Variants in PEX6 observed in about 807,000 individuals in gnomAD.
The protein encoded by PEX6 is peroxisome biogenesis factor 6.
A neutral mutation model predicts 85.6 loss-of-function variants in PEX6; 55 were observed. That is an observed-to-expected ratio of 0.64 (90% CI 0.52 to 0.80). The LOEUF is 0.80. PEX6 is among the 30% of genes least tolerant of loss of function. The probability of loss-of-function intolerance (pLI) is 0.00; values close to 1 mark genes in which losing one functional copy is unlikely to be tolerated. For synonymous variants in PEX6, 519 were observed against 549.1 expected, an observed-to-expected ratio of 0.95 and a Z score of 0.77; for missense variants, 1,099 against 1,260.3, an observed-to-expected ratio of 0.87 and a Z score of 1.94.
intron 3 of PEX6, among the ~76,000 whole-genome samples, chr6:42,973,052 C>T (rs545331330): frequency 5.5e-4 from 83 of 152,220 alleles, no homozygotes; most frequent in African/African-American, 1.6e-3. Flanking sequence ...TGCTGTGTCA[C>T]CCAGGCTGGA....
chr6:42,964,373 G>A lies in PEX6; in HGVS notation c.2905C>T (p.Arg969Trp), dbSNP rs377694181. 3.2e-5 allele frequency: 52 copies of A among 1,613,744 alleles called. No individual in the cohort carries two copies. The highest frequency in any genetic ancestry group is 4.3e-5 in the Non-Finnish European group (51 of 1,180,018). ...QPSVSEQELLRYKRIQRKFAA... is the reference protein window; with the variant it reads ...QPSVSEQELLWYKRIQRKFAA... ...AACTTGCGCTGGATGCGCTTGTACC[G>A]GAGCAGCTCCTGCTCACTGACTGAG... The change falls in exon 17 of 17, where the codon CGG becomes TGG. Residue 969 changes from arginine (R) to tryptophan (W), a missense_variant. Coordinates refer to ENST00000304611, the MANE Select transcript of PEX6 (RefSeq NM_000287.4). The surrounding 1 kb of genome is among the most constrained non-coding windows in gnomAD (Gnocchi z 4.6).
At chr6:42,969,274 T>C (rs961437839) in intron 5 of PEX6, among the ~76,000 whole-genome samples, 2 of 151,966 alleles carry the variant, frequency 1.3e-5, no homozygotes, top group African/African-American at 4.8e-5. Context: ...CTGAATGGTA[T>C]TGAGAGACAT....
At chr6:42,976,026 C>T (rs574317151) in intron 1 of PEX6, among the ~76,000 whole-genome samples, 71 of 151,824 alleles carry the variant, frequency 4.7e-4, no homozygotes, top group Non-Finnish European at 8.1e-4. Context: ...GTAGCTGGGA[C>T]GACAGGCATG....
rs762858933 is a variant in PEX6, at chr6:42,964,409, G to A, written c.2869C>T (p.Arg957Trp). The A allele has an allele frequency of 2.5e-5, 41 of 1,613,788 alleles. No homozygotes were observed. Among genetic ancestry groups the A allele is most frequent in the African/African-American group, 1.3e-4 (10 of 75,066 alleles). ...TGCTCACTGACTGAGGGTTGCAGCC[G>A]GGCGGCAGCCTGCAGCAAGTCCTCC... ...TMEDLLQAAA[R>W]LQPSVSEQEL... is the part of the protein sequence containing the mutation. Residue 957 changes from arginine to tryptophan, a missense_variant, in exon 17 of 17, where the codon CGG (arginine) becomes TGG (tryptophan). Arg to Trp is a moderately radical substitution (Grantham distance 101, BLOSUM62 -3). This residue lies in a region of PEX6 where 514 missense variants were observed against 627.0 expected (regional missense o/e 0.82). Transcript: ENST00000304611. This position sits in a 1 kb window ranked among gnomAD's most constrained non-coding sequence, Gnocchi z 4.6.
Position 42,979,146 on chromosome 6 carries a change from G to A in PEX6, c.5C>T (p.Ala2Val). The change falls in exon 1 of 17, where the codon GCG becomes GTG. Residue 2 changes from alanine to valine, a missense_variant. Around this residue, in one of 3 missense-constraint regions of PEX6, gnomAD observed 579 missense variants for 611.6 expected, o/e 0.95. Transcript: ENST00000304611. M[A>V]LAVLRVLEPF... Reference sequence around the variant, plus strand: ...CTCCAGGACCCGCAAGACAGCCAGCGCCATGGTGACAGGACACCAACGAGG... The same window carrying A: ...CTCCAGGACCCGCAAGACAGCCAGCACCATGGTGACAGGACACCAACGAGG... 1 of 1,578,262 alleles carries A rather than the reference G, an allele frequency of 6.3e-7. No homozygotes were observed. Among genetic ancestry groups the A allele is most frequent in the Middle Eastern group, 2.2e-4 (1 of 4,510 alleles).
rs780344356 is a variant in PEX6 at position 42,964,815 on chromosome 6, T to C, written c.2781A>G (p.Lys927=). The C allele has an allele frequency of 6.2e-7, 1 of 1,613,898 alleles. No homozygotes were observed. The highest frequency in any genetic ancestry group is 1.7e-5 in the Admixed American group (1 of 59,994). The change falls in exon 16 of 17, where the codon AAA becomes AAG. Residue 927 remains lysine, a synonymous_variant. Coordinates refer to ENST00000304611, the MANE Select transcript of PEX6 (RefSeq NM_000287.4). The surrounding 1 kb of genome is among the most constrained non-coding windows in gnomAD (Gnocchi z 4.6). The part of the protein sequence containing the change: ...LCSDAMTAAL[K]RRVHDLEEGL... ...CTTCCTCCAGGTCATGAACCCTGCG[T>C]TTGAGGGCAGCTGTCATAGCATCAG...
Position 42,969,889 on chromosome 6 carries a change from T to TC in PEX6, c.1228_1229insG (p.Tyr410Ter). The TC allele has an allele frequency of 6.2e-7, 1 of 1,614,136 alleles. No homozygotes were observed. Among genetic ancestry groups the TC allele is most frequent in the South Asian group, 1.1e-5 (1 of 91,086 alleles). ...CACCCATCCTTGGGGCCTCACCATGTACAAGGAGGTATGGGTGGTGTCGGC... is the reference window on the plus strand; with the variant it reads ...CACCCATCCTTGGGGCCTCACCATGTCACAAGGAGGTATGGGTGGTGTCGGC... ...YLADTTHTSL[Y>*]MVGSTLSPVP... The change falls in exon 4 of 17, where the codon TAC becomes TGAC. Residue 410 changes from tyrosine (Y) to a stop codon, truncating the protein, a stop_gained and frameshift_variant. Transcript: ENST00000304611. LOFTEE classifies it high-confidence loss of function.
Position 42,978,235 on chromosome 6 carries a change from A to G in PEX6, c.882+34T>C, listed in dbSNP as rs776617686. 2.5e-5 allele frequency: 40 copies of G among 1,610,594 alleles called. No homozygotes were observed. In the African/African-American group the frequency reaches 5.2e-4, roughly 21 times the overall value. ...AGACAGAGAAGAGGGTATAAGAAAGAGGAAGCACTCCTGACCCCAGTCCTT... is the reference window on the plus strand; with the variant it reads ...AGACAGAGAAGAGGGTATAAGAAAGGGGAAGCACTCCTGACCCCAGTCCTT... On this transcript the variant is annotated intron_variant, in intron 1 of 16. Coordinates refer to ENST00000304611, the MANE Select transcript of PEX6 (RefSeq NM_000287.4).
At position 42,965,051 on chromosome 6, in the gene PEX6, C is replaced by T. The variant is rs1384810772; in HGVS notation, c.2666+24G>A. On this transcript the variant is annotated intron_variant, in intron 15 of 16. Coordinates refer to ENST00000304611, the MANE Select transcript of PEX6 (RefSeq NM_000287.4). This position sits in a 1 kb window ranked among gnomAD's most constrained non-coding sequence, Gnocchi z 5.0. ...AGCATCCCAAGGCCCAAGCCCTTCG[C>T]AGTCTTCCTCTAACAGAGCATACTT... is the stretch of plus-strand genomic sequence containing the variant. 2 of 1,613,694 alleles carry T rather than the reference C, an allele frequency of 1.2e-6. No individual in the cohort carries two copies. The highest frequency in any genetic ancestry group is 8.5e-7 in the Non-Finnish European group (1 of 1,179,548).
Position 42,964,543 on chromosome 6 carries a change from G to A in PEX6, c.2807-72C>T. The A allele has an allele frequency of 6.4e-7, 1 of 1,550,606 alleles. No homozygotes were observed. Among genetic ancestry groups the A allele is most frequent in the Admixed American group, 1.7e-5 (1 of 59,736 alleles). On this transcript the variant is annotated intron_variant, in intron 16 of 16. Transcript: ENST00000304611. This position sits in a 1 kb window ranked among gnomAD's most constrained non-coding sequence, Gnocchi z 4.6. The stretch of plus-strand genomic sequence containing the variant: ...GAGAGCCCTGCGAAGGTGGCTTCCT[G>A]CTCAGGGTCTCCTAGATGTCAATGA...
Position 42,967,248 on chromosome 6 carries a change from CG to C in PEX6, c.1884+119del, listed in dbSNP as rs535743124. ...CCTCCCAAAGTGCTAGGATTACAGG[CG>C]TGAGCCACGGCGCCCGCGCTGGGTT... On this transcript the variant is annotated intron_variant, in intron 8 of 16. Transcript: ENST00000304611. 1.4e-4 allele frequency: 133 copies of C among 967,882 alleles called. 1 individual carries two copies. The highest frequency in any genetic ancestry group is 6.1e-4 in the Admixed American group (30 of 49,144). The allele number at this position is 967,882 out of a possible 1,614,324, so 60.0% of individuals were successfully genotyped here.
Position 42,971,662 on chromosome 6 carries a change from C to T in PEX6, c.1131-1675G>A, listed in dbSNP as rs1770058254. The stretch of plus-strand genomic sequence containing the variant: ...GCCCAGTGCAGCTTAAAACGCTCAT[C>T]TGTATCTGTCCTTGGACCCATTGGG... On this transcript the variant is annotated intron_variant, in intron 3 of 16. Transcript: ENST00000304611. This position sits in a 1 kb window ranked among gnomAD's most constrained non-coding sequence, Gnocchi z 4.4. 6.6e-6 allele frequency among the ~76,000 whole-genome samples: 1 copy of T among 152,264 alleles called. No homozygotes were observed. Among genetic ancestry groups the T allele is most frequent in the South Asian group, 2.1e-4 (1 of 4,836 alleles).
intron 3 of PEX6, 49 bp downstream of exon 3, chr6:42,973,954 T>G (rs762156929): frequency 7.2e-6 from 9 of 1,258,530 alleles, no homozygotes; most frequent in Non-Finnish European, 9.3e-6. Context: ...GTAGAACTCA[T>G]GCACCCAGGT....
At position 42,964,280 on chromosome 6, in the gene PEX6, G is replaced by T; in HGVS notation, c.*55C>A. On this transcript the variant is annotated 3_prime_UTR_variant, in exon 17 of 17. Transcript: ENST00000304611. This position sits in a 1 kb window ranked among gnomAD's most constrained non-coding sequence, Gnocchi z 4.6. ...CCCTTCCTTCCCAGATCTCTCTGTG[G>T]GCTATCAAGGTACCTGCAGCCATGC... 6.2e-7 allele frequency: 1 copy of T among 1,605,784 alleles called. No individual in the cohort carries two copies. Among genetic ancestry groups the T allele is most frequent in the Non-Finnish European group, 8.5e-7 (1 of 1,173,822 alleles).
At chr6:42,970,307 G>C (rs1036161028) in intron 3 of PEX6, among the ~76,000 whole-genome samples, 1 of 152,194 alleles carries the variant, frequency 6.6e-6, no homozygotes, top group African/African-American at 2.4e-5. Context: ...TGGATCATCT[G>C]ATTACTTCTA....
In PEX6 at chr6:42,966,432, A is replaced by G; in HGVS notation, c.2110T>C (p.Trp704Arg). 1 of 1,614,140 alleles carries G rather than the reference A, an allele frequency of 6.2e-7. No homozygotes were observed. Among genetic ancestry groups the G allele is most frequent in the Non-Finnish European group, 8.5e-7 (1 of 1,180,026 alleles). ...VGAPKIPSVS[W>R]HDVGGLQEVK... ...TCCTGCAGCCCACCCACATCATGCC[A>G]GGACACTGAGGGGATCTAGGAGATG... The change falls in exon 11 of 17, where the codon TGG (tryptophan) becomes CGG (arginine). Residue 704 changes from tryptophan (W) to arginine (R), a missense_variant. Physicochemically the swap from Trp to Arg is moderately radical, Grantham distance 101 (BLOSUM62 -3). This residue lies in a region of PEX6 where 514 missense variants were observed against 627.0 expected (regional missense o/e 0.82). Transcript: ENST00000304611.
Position 42,964,103 on chromosome 6 carries a change from T to C in PEX6, c.*232A>G. 2 of 597,656 alleles carry C rather than the reference T, an allele frequency of 3.3e-6. No individual in the cohort carries two copies. Among genetic ancestry groups the C allele is most frequent in the Non-Finnish European group, 5.9e-6 (2 of 336,598 alleles). 37.0% of individuals were successfully genotyped at this position (597,656 alleles called of 1,614,324 possible). A position where few individuals can be genotyped will look rare whatever the true frequency, so the allele number is the denominator to read the frequency against. ...GGCCCTGGCCCTCTTCCTGAGTAGA[T>C]GGGCCTTTCTCTTAGAGCCGGCCTG... On this transcript the variant is annotated 3_prime_UTR_variant, in exon 17 of 17. Coordinates refer to ENST00000304611, the MANE Select transcript of PEX6 (RefSeq NM_000287.4). The surrounding 1 kb of genome is among the most constrained non-coding windows in gnomAD (Gnocchi z 4.6).
rs778534336 is a variant in PEX6 at position 42,968,434 on chromosome 6, A to G, written c.1544T>C (p.Phe515Ser). The G allele has an allele frequency of 1.9e-6, 3 of 1,610,532 alleles. No individual in the cohort carries two copies. In the African/African-American group the frequency reaches 4.0e-5, roughly 22 times the overall value. Residue 515 changes from phenylalanine to serine, a missense_variant, in exon 7 of 17, where the codon TTC (phenylalanine) becomes TCC (serine). Around this residue, in one of 3 missense-constraint regions of PEX6, gnomAD observed 514 missense variants for 627.0 expected, o/e 0.82. Coordinates refer to ENST00000304611, the MANE Select transcript of PEX6 (RefSeq NM_000287.4). ...AGGCCGGCAACGGCGGGCCCGGGAGAAGATGGCCTGCAGTTTTGTCTCCAC... is the reference window on the plus strand; with the variant it reads ...AGGCCGGCAACGGCGGGCCCGGGAGGAGATGGCCTGCAGTTTTGTCTCCAC... ...GAVETKLQAI[F>S]SRARRCRPAV...
At chr6:42,976,373 C>CT (rs67595251) in intron 1 of PEX6, among the ~76,000 whole-genome samples, 1 of 151,588 alleles carries the variant, frequency 6.6e-6, no homozygotes, top group Non-Finnish European at 1.5e-5. Flanking sequence ...TCATTTTTTT[C>CT]TTTTTTTGAG....
Sources: gnomAD v4.1 joint callset for allele counts (sites outside exome capture counted in the v4.1 genomes callset) on GRCh38, gnomAD v4.1.1 for gene constraint, gnomAD v4.1.1 regional missense constraint, Gnocchi (gnomAD v3.1) non-coding constraint, MANE v1.5 for transcripts, NCBI Gene and HGNC (gene_info 2026-07-23, HGNC 2026-07-21) for gene names.